The following HIVEP3 variants were observed in gnomAD, a reference collection of about 807,000 sequenced individuals.
HIVEP3 encodes HIVEP zinc finger 3.
Under a neutral mutation model 152.8 loss-of-function variants are expected in HIVEP3, and 49 were observed. The ratio of observed to expected loss-of-function variants is 0.32; its 90% CI spans 0.26 to 0.41. The LOEUF (loss-of-function observed/expected upper bound fraction) is 0.41. Among genes scored for constraint, HIVEP3 ranks in the 10% least tolerant of loss-of-function variants. HIVEP3 has a pLI of 1.00. For missense variants in HIVEP3, 2,790 were observed against 3,103.3 expected (o/e 0.90, Z 2.40); for synonymous variants, 1,269 against 1,289.0 (o/e 0.98, Z 0.33).
chr1:41,985,038 T>G (rs1360731120), intron 1 of HIVEP3, among the ~76,000 whole-genome samples: 1 of 151,474 alleles, frequency 6.6e-6, no homozygotes, highest in Non-Finnish European at 1.5e-5. Flanking sequence ...AGGGGATGAC[T>G]GATTGATTGA....
At chr1:41,607,051 T>C (rs1181740529) in intron 3 of HIVEP3, among the ~76,000 whole-genome samples, 1 of 152,170 alleles carries the variant, frequency 6.6e-6, no homozygotes, top group Non-Finnish European at 1.5e-5. Context: ...CTTGAACTCC[T>C]GGGCTTAGGC....
chr1:41,707,870 G>A (rs1173180341), intron 1 of HIVEP3, among the ~76,000 whole-genome samples: 2 of 152,212 alleles, frequency 1.3e-5, no homozygotes, highest in African/African-American at 2.4e-5. Flanking sequence ...GCTCAATAAC[G>A]GTTTGCTATC....
chr1:41,945,909 G>T (rs1645072221), intron 1 of HIVEP3, among the ~76,000 whole-genome samples: 1 of 152,080 alleles, frequency 6.6e-6, no homozygotes, highest in Admixed American at 6.6e-5. Flanking sequence ...GCAGACATTA[G>T]AAAAAAACTT....
chr1:42,032,542 G>A (rs116463931), intron 1 of HIVEP3, among the ~76,000 whole-genome samples: 181 of 152,238 alleles, frequency 1.2e-3, no homozygotes, highest in African/African-American at 4.3e-3. Context: ...CACGGTCTAC[G>A]ATACAGCTTT....
chr1:41,517,827 C>T lies in HIVEP3; in HGVS notation c.5470+575G>A, dbSNP rs578221377. ...TTGACCACCATGGCCGGGGTGTGTACGGGGATGGGGCTGGGAGGTGACAAG... is the reference window on the plus strand; with the variant it reads ...TTGACCACCATGGCCGGGGTGTGTATGGGGATGGGGCTGGGAGGTGACAAG... On this transcript the variant is annotated intron_variant, in intron 7 of 8. Transcript: ENST00000372583. Among the ~76,000 whole-genome samples, 13 of 152,224 alleles carry T rather than the reference C, an allele frequency of 8.5e-5. No homozygotes were observed. The East Asian group carries it at 2.5e-3, about 29-fold the overall frequency.
intron 2 of HIVEP3, among the ~76,000 whole-genome samples, chr1:41,665,835 T>C (rs956806719): frequency 6.6e-6 from 1 of 151,950 alleles, no homozygotes; most frequent in Non-Finnish European, 1.5e-5. Flanking sequence ...TGATCTGCCA[T>C]CTAGAAAGCT....
At chr1:41,837,719 T>A (rs1643167524) in intron 1 of HIVEP3, among the ~76,000 whole-genome samples, 1 of 152,216 alleles carries the variant, frequency 6.6e-6, no homozygotes, top group South Asian at 2.1e-4. Context: ...TATTCTAAAA[T>A]ACAAGACTTA....
chr1:41,883,183 G>A (rs1003645763), intron 1 of HIVEP3, among the ~76,000 whole-genome samples: 5 of 152,088 alleles, frequency 3.3e-5, no homozygotes, highest in Admixed American at 6.5e-5. Context: ...AACCTAGGAG[G>A]TCTGAGGACT....
chr1:41,929,426 T>C (rs1167410717), intron 1 of HIVEP3, among the ~76,000 whole-genome samples: 1 of 152,048 alleles, frequency 6.6e-6, no homozygotes, highest in African/African-American at 2.4e-5. Context: ...TTCAGCACTT[T>C]CTTACTTTCT....
At chr1:41,663,110 C>T (rs1000627586) in intron 2 of HIVEP3, among the ~76,000 whole-genome samples, 1 of 152,238 alleles carries the variant, frequency 6.6e-6, no homozygotes, top group Non-Finnish European at 1.5e-5. Flanking sequence ...GGATCAAGCA[C>T]ACTTGAGCCA....
intron 1 of HIVEP3, among the ~76,000 whole-genome samples, chr1:41,766,930 G>A (rs191000722): frequency 5.3e-5 from 8 of 152,198 alleles, no homozygotes; most frequent in Admixed American, 1.3e-4. Context: ...AACCAACCCC[G>A]CAGGAGGAAA....
At chr1:41,906,362 C>T (rs1464604540) in intron 1 of HIVEP3, among the ~76,000 whole-genome samples, 3 of 129,140 alleles carry the variant, frequency 2.3e-5, no homozygotes, top group African/African-American at 8.8e-5. Flanking sequence ...TTCAGCCACA[C>T]AAATAATGAA....
chr1:41,777,260 C>T (rs552736656), intron 1 of HIVEP3, among the ~76,000 whole-genome samples: 1 of 152,338 alleles, frequency 6.6e-6, no homozygotes, highest in Non-Finnish European at 1.5e-5. Flanking sequence ...TTCTGATTGT[C>T]CCCGTGACTA....
chr1:41,512,839 G>T lies in HIVEP3; in HGVS notation c.6382C>A (p.Pro2128Thr). 6.6e-7 allele frequency: 1 copy of T among 1,525,658 alleles called. No individual in the cohort carries two copies. The highest frequency in any genetic ancestry group is 8.8e-7 in the Non-Finnish European group (1 of 1,131,340). 94.5% of individuals were successfully genotyped at this position (1,525,658 alleles called of 1,614,324 possible). A position where few individuals can be genotyped will look rare whatever the true frequency, so the allele number is the denominator to read the frequency against. Residue 2128 changes from proline (P) to threonine (T), a missense_variant, in exon 8 of 9, where the codon CCA becomes ACA. Transcript: ENST00000372583. Reference protein sequence around the residue: ...PLPHKLLSRSPETCASPWQKA... With the variant: ...PLPHKLLSRSTETCASPWQKA... ...ACCCACGGGGAGGCGCAGGTCTCTG[G>T]GCTTCTGCTGAGGAGCTTGTGAGGT...
intron 2 of HIVEP3, among the ~76,000 whole-genome samples, chr1:41,635,159 A>G (rs1645250337): frequency 6.6e-6 from 1 of 152,184 alleles, no homozygotes; most frequent in Non-Finnish European, 1.5e-5. Flanking sequence ...ACATAAACAA[A>G]TGATGCACAT....
chr1:41,528,461 C>A (rs1179643361), intron 5 of HIVEP3, among the ~76,000 whole-genome samples: 2 of 131,046 alleles, frequency 1.5e-5, no homozygotes, highest in African/African-American at 2.9e-5. Context: ...ACACACACCC[C>A]ACCCTCACCT....
intron 5 of HIVEP3, among the ~76,000 whole-genome samples, chr1:41,545,578 CCACCATCACCAT>C (rs1301533846): frequency 7.9e-6 from 1 of 127,364 alleles, no homozygotes; most frequent in African/African-American, 3.0e-5. Context: ...ACCACCACCA[CCACCATCACCAT>C]CACCACCACC....
Position 41,580,101 on chromosome 1 carries a change from G to A in HIVEP3, c.4697C>T (p.Ala1566Val). The A allele has an allele frequency of 1.2e-6, 2 of 1,614,224 alleles. No individual in the cohort carries two copies. The highest frequency in any genetic ancestry group is 1.7e-6 in the Non-Finnish European group (2 of 1,180,036). ...TGACAGAGGCAGAGAGCTCGGAGGT[G>A]CCAAGGAGGGGAGATCAGGTTGTTC... Reference protein sequence around the residue: ...SKEQPDLPSLAPPSSLPLSET... With the variant: ...SKEQPDLPSLVPPSSLPLSET... The change falls in exon 4 of 9, where the codon GCA (alanine) becomes GTA (valine). Residue 1566 changes from alanine to valine, a missense_variant. By Grantham distance (64) the Ala-to-Val change is moderately conservative. Coordinates refer to ENST00000372583, the MANE Select transcript of HIVEP3 (RefSeq NM_024503.5).
intron 3 of HIVEP3, among the ~76,000 whole-genome samples, chr1:41,595,376 C>T (rs149158233): frequency 1.6e-4 from 24 of 152,312 alleles, no homozygotes; most frequent in Middle Eastern, 3.4e-3. Flanking sequence ...ATAGGGCCCA[C>T]CCAGTCTTCC....
Sources: gnomAD v4.1 joint callset for allele counts (sites outside exome capture counted in the v4.1 genomes callset) on GRCh38, gnomAD v4.1.1 for gene constraint, MANE v1.5 for transcripts, NCBI Gene and HGNC (gene_info 2026-07-23, HGNC 2026-07-21) for gene names.